ARHGAP39: variants seen among roughly 807,000 people sequenced by gnomAD.
The protein encoded by ARHGAP39 is Rho GTPase activating protein 39, also known as rho GTPase-activating protein 39.
Under a neutral mutation model 106.9 loss-of-function variants are expected in ARHGAP39, and 44 were observed. The ratio of observed to expected loss-of-function variants is 0.41; its 90% CI spans 0.32 to 0.53. The LOEUF is 0.53. Among genes scored for constraint, ARHGAP39 ranks in the 20% least tolerant of loss-of-function variants. ARHGAP39 has a pLI of 0.21. For missense variants in ARHGAP39, 1,496 were observed against 1,577.3 expected (o/e 0.95, Z 0.87); for synonymous variants, 768 against 693.2 (o/e 1.11, Z -1.69).
At chr8:144,664,213 A>G (rs1485607144) in intron 1 of ARHGAP39, among the ~76,000 whole-genome samples, 2 of 152,176 alleles carry the variant, frequency 1.3e-5, no homozygotes, top group African/African-American at 4.8e-5. Context: ...AACTATTTCC[A>G]GATTCCAACA....
At chr8:144,638,340 T>C (rs912776044) in intron 1 of ARHGAP39, among the ~76,000 whole-genome samples, 2 of 152,228 alleles carry the variant, frequency 1.3e-5, no homozygotes, top group Non-Finnish European at 2.9e-5. Context: ...TGGATTTCTT[T>C]CATTTAACCT....
At chr8:144,540,103 C>T (rs1817128511) in intron 6 of ARHGAP39, among the ~76,000 whole-genome samples, 1 of 152,168 alleles carries the variant, frequency 6.6e-6, no homozygotes, top group African/African-American at 2.4e-5. Context: ...TGTCCTTTGT[C>T]AGATCTATCT....
intron 1 of ARHGAP39, among the ~76,000 whole-genome samples, chr8:144,613,570 T>C (rs1417340788): frequency 1.3e-5 from 2 of 152,164 alleles, no homozygotes; most frequent in Non-Finnish European, 2.9e-5. Context: ...ATGAGAAATC[T>C]GCTGTCATCT....
At chr8:144,556,300 A>G (rs1471868006) in intron 3 of ARHGAP39, among the ~76,000 whole-genome samples, 1 of 151,786 alleles carries the variant, frequency 6.6e-6, no homozygotes, top group Non-Finnish European at 1.5e-5. Context: ...AAAAAAAAAA[A>G]AAAAAGAAAT....
the ARHGAP39 span, among the ~76,000 whole-genome samples, chr8:144,695,135 C>T: frequency 2.4e-4 from 17 of 71,800 alleles, no homozygotes; most frequent in East Asian, 4.3e-4. Flanking sequence ...AGTGCAGTTG[C>T]GCTATCTCAG....
chr8:144,530,966 G>C, intron 10 of ARHGAP39, 95 bp from the exon 11 acceptor site: 1 of 1,449,078 alleles, frequency 6.9e-7, no homozygotes, highest in Non-Finnish European at 9.2e-7. Context: ...GGGTGCTGTG[G>C]GGGACAGGCT....
Position 144,679,353 on chromosome 8 carries a change from C to T in ARHGAP39, c.-82+6333G>A, listed in dbSNP as rs1331186721. On this transcript the variant is annotated intron_variant, in intron 1 of 11. Coordinates refer to ENST00000377307, the MANE Select transcript of ARHGAP39 (RefSeq NM_025251.3). This position sits in a 1 kb window ranked among gnomAD's most constrained non-coding sequence, Gnocchi z 4.7. The stretch of plus-strand genomic sequence containing the variant: ...CTGAGATGCCAGTCCAGGATGGTGC[C>T]GGAAAAGACACTAGGTTTCTGCCAC... 1.3e-5 allele frequency among the ~76,000 whole-genome samples: 2 copies of T among 152,082 alleles called. No homozygotes were observed. The highest frequency in any genetic ancestry group is 2.4e-5 in the African/African-American group (1 of 41,408).
chr8:144,605,183 C>T (rs1370483788), intron 2 of ARHGAP39, among the ~76,000 whole-genome samples: 4 of 152,160 alleles, frequency 2.6e-5, no homozygotes, highest in African/African-American at 9.7e-5. Context: ...ACTGCTTTAG[C>T]CTAGGAGTTC....
chr8:144,564,250 TAGTC>T (rs935231873), intron 3 of ARHGAP39, among the ~76,000 whole-genome samples: 4 of 152,222 alleles, frequency 2.6e-5, no homozygotes, highest in African/African-American at 9.6e-5. Context: ...TTGGTTCTGA[TAGTC>T]AGGAATGCCA....
At chr8:144,583,493 G>A (rs1294349539) in intron 2 of ARHGAP39, among the ~76,000 whole-genome samples, 2 of 152,260 alleles carry the variant, frequency 1.3e-5, no homozygotes, top group South Asian at 2.1e-4. Flanking sequence ...GTTCCCCACC[G>A]TAGCATCCTG....
chr8:144,545,888 A>G (rs1817399440), intron 5 of ARHGAP39, 78 bp from the exon 6 acceptor site: 4 of 1,328,840 alleles, frequency 3.0e-6, no homozygotes, highest in African/African-American at 3.0e-5. Flanking sequence ...CACAGTCCCC[A>G]GAAGTGTGAG....
intron 1 of ARHGAP39, among the ~76,000 whole-genome samples, chr8:144,621,473 G>A (rs536174664): frequency 2.1e-4 from 32 of 152,350 alleles, no homozygotes; most frequent in Middle Eastern, 3.4e-3. Flanking sequence ...CAGAGAAGAG[G>A]TTCTGAGGCA....
chr8:144,529,351 T>TA lies in ARHGAP39; in HGVS notation c.*1070dup, dbSNP rs1351853211. 1 of 154,770 alleles carries TA rather than the reference T, an allele frequency of 6.5e-6. No homozygotes were observed. Among genetic ancestry groups the TA allele is most frequent in the African/African-American group, 2.4e-5 (1 of 41,648 alleles). 9.6% of individuals were successfully genotyped at this position (154,770 alleles called of 1,614,324 possible). A position where few individuals can be genotyped will look rare whatever the true frequency, so the allele number is the denominator to read the frequency against. ...TTTTTAATAAATAAAAACGGAACTC[T>TA]AAAAAATATATATATAAAAACTGGG... On this transcript the variant is annotated 3_prime_UTR_variant, in exon 12 of 12. Transcript: ENST00000377307.
intron 1 of ARHGAP39, among the ~76,000 whole-genome samples, chr8:144,623,771 A>G (rs1275832614): frequency 6.6e-6 from 1 of 152,228 alleles, no homozygotes; most frequent in Non-Finnish European, 1.5e-5. Flanking sequence ...GGCAAATGTC[A>G]GAGGCCGCAG....
chr8:144,652,595 C>T (rs533662794), intron 1 of ARHGAP39, among the ~76,000 whole-genome samples: 2 of 152,262 alleles, frequency 1.3e-5, no homozygotes, highest in South Asian at 2.1e-4. Context: ...AAGAATAAGA[C>T]CATGTCCTTT....
chr8:144,547,013 T>C lies in ARHGAP39; in HGVS notation c.1959+114A>G. The C allele has an allele frequency of 7.7e-7, 1 of 1,297,888 alleles. No individual in the cohort carries two copies. The highest frequency in any genetic ancestry group is 1.0e-6 in the Non-Finnish European group (1 of 973,572). 80.4% of individuals were successfully genotyped at this position (1,297,888 alleles called of 1,614,324 possible). ...CCGGAGACACGGGGCTTCAGAACTC[T>C]GCGTGCTGCGTGCACGCCCTGGACG... On this transcript the variant is annotated intron_variant, in intron 5 of 11. Coordinates refer to ENST00000377307, the MANE Select transcript of ARHGAP39 (RefSeq NM_025251.3). The surrounding 1 kb of genome is among the most constrained non-coding windows in gnomAD (Gnocchi z 5.2).
chr8:144,549,220 C>T (rs182216663), intron 4 of ARHGAP39, among the ~76,000 whole-genome samples: 7 of 152,370 alleles, frequency 4.6e-5, no homozygotes, highest in Admixed American at 1.3e-4. Flanking sequence ...CGTGCTCTGC[C>T]CCTGGCGGCC....
chr8:144,605,446 C>T, intron 2 of ARHGAP39, 89 bp downstream of exon 2: 6 of 1,373,782 alleles, frequency 4.4e-6, no homozygotes, highest in Non-Finnish European at 6.2e-6. Flanking sequence ...ACGGAGAATC[C>T]TGCATGCACA....
chr8:144,587,820 A>G (rs575896627), intron 2 of ARHGAP39, among the ~76,000 whole-genome samples: 1 of 152,184 alleles, frequency 6.6e-6, no homozygotes, highest in Admixed American at 6.5e-5. Context: ...ACGCCTGGCT[A>G]ACTCTTGTTT....
Sources: gnomAD v4.1 joint callset for allele counts (sites outside exome capture counted in the v4.1 genomes callset) on GRCh38, gnomAD v4.1.1 for gene constraint, Gnocchi (gnomAD v3.1) non-coding constraint, MANE v1.5 for transcripts, NCBI Gene and HGNC (gene_info 2026-07-23, HGNC 2026-07-21) for gene names.